ARK2C: variants seen among roughly 807,000 people sequenced by gnomAD.
ARK2C encodes the protein E3 ubiquitin-protein ligase ARK2C.
chr18:46,461,838 C>T, the ARK2C span: 4 of 152,108 alleles, frequency 2.6e-5, no homozygotes, highest in East Asian at 5.8e-4. Context: ...TAGGTGGACA[C>T]GTATAGGACG....
chr18:46,341,686 C>T, the ARK2C span, among the ~76,000 whole-genome samples: 1 of 152,058 alleles, frequency 6.6e-6, no homozygotes, highest in Non-Finnish European at 1.5e-5. Flanking sequence ...CATGACTTGT[C>T]CCCCCCAGAC....
At chr18:46,345,082 C>CA in the ARK2C span, among the ~76,000 whole-genome samples, 6 of 140,086 alleles carry the variant, frequency 4.3e-5, no homozygotes, top group African/African-American at 1.7e-4. Context: ...GAGGCTGCTT[C>CA]GGGGCAGGGG....
the ARK2C span, among the ~76,000 whole-genome samples, chr18:46,340,784 G>T: frequency 0.64 from 96,798 of 152,112 alleles, 31,886 homozygotes; most frequent in East Asian, 0.89. Flanking sequence ...CCTAGGATGT[G>T]CTAGACAGTT....
At chr18:46,448,012 G>T in the ARK2C span, among the ~76,000 whole-genome samples, 13 of 150,694 alleles carry the variant, frequency 8.6e-5, no homozygotes, top group East Asian at 1.8e-3. Flanking sequence ...GCTCCCCTGT[G>T]CCCCGGCTTC....
chr18:46,446,240 A>G, the ARK2C span, among the ~76,000 whole-genome samples: 1 of 152,234 alleles, frequency 6.6e-6, no homozygotes, highest in Non-Finnish European at 1.5e-5. Flanking sequence ...CAAAAATTCA[A>G]GAAAAATTCA....
the ARK2C span, among the ~76,000 whole-genome samples, chr18:46,351,827 G>A: frequency 8.5e-5 from 13 of 152,280 alleles, no homozygotes; most frequent in East Asian, 1.7e-3. Context: ...GCCTGGCTAC[G>A]TCAATCCACT....
the ARK2C span, among the ~76,000 whole-genome samples, chr18:46,429,721 C>G: frequency 6.6e-6 from 1 of 152,104 alleles, no homozygotes; most frequent in African/African-American, 2.4e-5. Context: ...TTACCAAACT[C>G]TCTATCACAT....
At chr18:46,359,327 A>G in the ARK2C span, among the ~76,000 whole-genome samples, 128,462 of 152,084 alleles carry the variant, frequency 0.84, 54,393 homozygotes, top group East Asian at 0.99. Context: ...TGACAAAGGG[A>G]GTGTGCAGGC....
chr18:46,351,777 C>T, the ARK2C span, among the ~76,000 whole-genome samples: 3 of 152,206 alleles, frequency 2.0e-5, no homozygotes, highest in South Asian at 2.1e-4. Flanking sequence ...AGCTCATGCT[C>T]TTTCCATGAC....
chr18:46,350,704 G>C, the ARK2C span, among the ~76,000 whole-genome samples: 3 of 152,194 alleles, frequency 2.0e-5, no homozygotes, highest in Non-Finnish European at 4.4e-5. Flanking sequence ...TCCTTAGCTA[G>C]TGCTCAGCTG....
At chr18:46,412,459 C>A in the ARK2C span, among the ~76,000 whole-genome samples, 1 of 152,374 alleles carries the variant, frequency 6.6e-6, no homozygotes, top group Non-Finnish European at 1.5e-5. Flanking sequence ...GAAAACAGAG[C>A]AGAAAGCAGC....
At chr18:46,384,398 G>C in the ARK2C span, among the ~76,000 whole-genome samples, 1,263 of 152,304 alleles carry the variant, frequency 8.3e-3, 15 homozygotes, top group African/African-American at 0.028. Flanking sequence ...TTGCAGAGAT[G>C]CTCTTCTTCA....
the ARK2C span, among the ~76,000 whole-genome samples, chr18:46,428,214 T>C: frequency 6.6e-6 from 1 of 151,974 alleles, no homozygotes. Flanking sequence ...ATCAAGACCA[T>C]TCTGGCCAAC....
chr18:46,392,314 T>C, the ARK2C span, among the ~76,000 whole-genome samples: 2 of 152,222 alleles, frequency 1.3e-5, no homozygotes, highest in African/African-American at 4.8e-5. Flanking sequence ...CCCTGAATGC[T>C]TGAAGGAACA....
chr18:46,441,320 A>G, the ARK2C span, among the ~76,000 whole-genome samples: 1 of 152,122 alleles, frequency 6.6e-6, no homozygotes, highest in East Asian at 1.9e-4. Flanking sequence ...CCTAGGCCCA[A>G]ATGATTCTCC....
At chr18:46,393,432 G>C in the ARK2C span, among the ~76,000 whole-genome samples, 11 of 152,146 alleles carry the variant, frequency 7.2e-5, no homozygotes, top group Non-Finnish European at 1.6e-4. Context: ...ACGCCAGAAG[G>C]GTGCGCTGTT....
chr18:46,387,032 A>G, the ARK2C span: 1 of 152,058 alleles, frequency 6.6e-6, no homozygotes, highest in African/African-American at 2.4e-5. Context: ...CATTCCTCAC[A>G]CAGTTCTGAG....
At chr18:46,382,234 C>G in the ARK2C span, among the ~76,000 whole-genome samples, 1 of 152,104 alleles carries the variant, frequency 6.6e-6, no homozygotes, top group Non-Finnish European at 1.5e-5. Flanking sequence ...GAGGACAGGT[C>G]CCATGGAGGC....
the ARK2C span, among the ~76,000 whole-genome samples, chr18:46,417,289 C>T: frequency 6.6e-6 from 1 of 152,240 alleles, no homozygotes; most frequent in African/African-American, 2.4e-5. Context: ...AGACCTGTCA[C>T]TTCTCTGCTC....
Sources: allele counts gnomAD v4.1 joint callset (sites outside exome capture counted in the v4.1 genomes callset), GRCh38; gene constraint gnomAD v4.1.1; transcripts MANE v1.5; gene names NCBI Gene and HGNC (gene_info 2026-07-23, HGNC 2026-07-21).